SIN3A: variants seen among roughly 807,000 people sequenced by gnomAD.
SIN3A encodes the protein SIN3 transcription regulator family member A.
SIN3A carries 14 observed loss-of-function variants against 146.1 expected under a neutral mutation model. The ratio of observed to expected loss-of-function variants is 0.10; its 90% CI spans 0.06 to 0.15. SIN3A has a LOEUF of 0.15. Ranked by LOEUF, SIN3A falls within the 10% of genes least tolerant of loss-of-function variation. SIN3A has a pLI of 1.00. For missense variants in SIN3A, 1,028 were observed against 1,576.0 expected (o/e 0.65, Z 5.89); for synonymous variants, 572 against 572.0 (o/e 1.00, Z 0.00).
rs11342034 is a variant in SIN3A, at chr15:75,381,086, T to TA, written c.3289-364dup. On this transcript the variant is annotated intron_variant, in intron 18 of 20. Coordinates refer to ENST00000394947, the MANE Select transcript of SIN3A (RefSeq NM_001145358.2). ...TACAATCTAGATTTCTGACATCGCT[T>TA]AAAAAAAAAAAAAAAAAAAAAGATC... The TA allele has an allele frequency of 2.8e-3, 317 of 111,442 alleles. 1 individual carries two copies. The highest frequency in any genetic ancestry group is 8.6e-3 in the Middle Eastern group (2 of 232). The allele number at this position is 111,442 out of a possible 1,614,324, so 6.9% of individuals were successfully genotyped here.
intron 16 of SIN3A, among the ~76,000 whole-genome samples, 174 bp downstream of exon 16, chr15:75,389,478 G>T (rs952322318): frequency 6.6e-6 from 1 of 152,082 alleles, no homozygotes; most frequent in East Asian, 1.9e-4. Flanking sequence ...CTCATACACT[G>T]CAACTTTGTT....
At chr15:75,406,982 C>A in intron 9 of SIN3A, 73 bp downstream of exon 9, 1 of 1,102,728 alleles carries the variant, frequency 9.1e-7, no homozygotes, top group Non-Finnish European at 1.3e-6. Context: ...TAAAACGAAA[C>A]CTTCCAGGGG....
At chr15:75,427,481 G>A (rs531386985) in intron 2 of SIN3A, among the ~76,000 whole-genome samples, 49 of 151,832 alleles carry the variant, frequency 3.2e-4, no homozygotes, top group Non-Finnish European at 5.6e-4. Flanking sequence ...CCAGCACAGC[G>A]AAACCCCATC....
At chr15:75,391,129 G>A (rs761928591) in intron 15 of SIN3A, among the ~76,000 whole-genome samples, 1 of 152,184 alleles carries the variant, frequency 6.6e-6, no homozygotes, top group African/African-American at 2.4e-5. Context: ...TAGCTCCATA[G>A]AATAGGTATA....
intron 1 of SIN3A, among the ~76,000 whole-genome samples, chr15:75,445,951 C>T (rs78428611): frequency 6.6e-6 from 1 of 151,974 alleles, no homozygotes; most frequent in African/African-American, 2.4e-5. Flanking sequence ...CTCTACCATG[C>T]TCAGCATACT....
chr15:75,405,943 T>A (rs992804841), intron 9 of SIN3A, among the ~76,000 whole-genome samples: 2 of 152,042 alleles, frequency 1.3e-5, no homozygotes, highest in African/African-American at 2.4e-5. Context: ...CAAGCAGACT[T>A]TGGTAATGAT....
In SIN3A at chr15:75,410,374, T is replaced by G. The variant is rs2073609709; in HGVS notation, c.1009-88A>C. On this transcript the variant is annotated intron_variant, in intron 6 of 20. Transcript: ENST00000394947. Reference sequence around the variant, plus strand: ...CGCTTTCTGGAATCACTGTTATCTATTTAGGCTGCATGTAAGAAGAAAGTC... The same window carrying G: ...CGCTTTCTGGAATCACTGTTATCTAGTTAGGCTGCATGTAAGAAGAAAGTC... The G allele has an allele frequency of 5.4e-6, 7 of 1,298,156 alleles. No homozygotes were observed. In the Middle Eastern group the frequency reaches 5.7e-4, roughly 105 times the overall value. 80.4% of individuals were successfully genotyped at this position (1,298,156 alleles called of 1,614,324 possible).
intron 1 of SIN3A, 45 bp downstream of exon 1, chr15:75,451,378 C>T (rs1188128266): frequency 6.7e-6 from 1 of 148,914 alleles, no homozygotes; most frequent in East Asian, 2.0e-4. Context: ...CCGGCGTTAC[C>T]CGCCACCAGG....
chr15:75,418,868 C>A (rs2073791774), intron 3 of SIN3A, among the ~76,000 whole-genome samples: 1 of 152,156 alleles, frequency 6.6e-6, no homozygotes, highest in Admixed American at 6.6e-5. Context: ...CATTCTCCTG[C>A]CTCAGCCTCC....
chr15:75,377,114 T>C, intron 19 of SIN3A, among the ~76,000 whole-genome samples: 1 of 152,138 alleles, frequency 6.6e-6, no homozygotes, highest in East Asian at 1.9e-4. Context: ...CAAACTGTAT[T>C]TGCAATATCG....
chr15:75,396,751 GGATGAAGTT>G (rs1349291869), intron 12 of SIN3A, among the ~76,000 whole-genome samples: 2 of 152,142 alleles, frequency 1.3e-5, no homozygotes, highest in African/African-American at 4.8e-5. Flanking sequence ...AAGAACCACA[GGATGAAGTT>G]GGATAAATGG....
At chr15:75,408,942 G>A (rs2073572964) in intron 8 of SIN3A, among the ~76,000 whole-genome samples, 1 of 152,214 alleles carries the variant, frequency 6.6e-6, no homozygotes, top group African/African-American at 2.4e-5. Context: ...GGTGGCTCAC[G>A]CCTGTAATTC....
In SIN3A at chr15:75,400,946, G is replaced by T. The variant is rs772416776; in HGVS notation, c.1527-6C>A. On this transcript the variant is annotated splice_region_variant and splice_polypyrimidine_tract_variant and intron_variant, in intron 10 of 20. Coordinates refer to ENST00000394947, the MANE Select transcript of SIN3A (RefSeq NM_001145358.2). ...TAAACAACTCAGGGAATTTCCTGAA[G>T]AATCAAACCAAAAAGTGACAAGCAA... is the stretch of plus-strand genomic sequence containing the variant. 1.5e-5 allele frequency: 24 copies of T among 1,603,756 alleles called. No homozygotes were observed. The highest frequency in any genetic ancestry group is 1.9e-4 in the Middle Eastern group (1 of 5,174).
intron 9 of SIN3A, among the ~76,000 whole-genome samples, chr15:75,402,518 A>G (rs977899092): frequency 2.6e-5 from 4 of 152,252 alleles, no homozygotes; most frequent in African/African-American, 9.6e-5. Flanking sequence ...ACTCTGTCTC[A>G]TAAGTAAAAA....
intron 9 of SIN3A, among the ~76,000 whole-genome samples, chr15:75,402,662 T>G (rs1045685193): frequency 1.3e-5 from 2 of 152,202 alleles, no homozygotes; most frequent in Non-Finnish European, 2.9e-5. Context: ...TTAAACGCAG[T>G]CCAGCACTGT....
intron 1 of SIN3A, among the ~76,000 whole-genome samples, chr15:75,443,266 T>C (rs1002668998): frequency 1.3e-5 from 2 of 152,204 alleles, no homozygotes; most frequent in Admixed American, 6.5e-5. Context: ...AGGAGGAAGA[T>C]GAAAAACTAT....
chr15:75,410,066 G>A (rs1359583642), intron 7 of SIN3A, 68 bp downstream of exon 7: 2 of 1,602,904 alleles, frequency 1.2e-6, no homozygotes, highest in South Asian at 2.2e-5. Flanking sequence ...GTCCCCTTCT[G>A]AGCACAGTTT....
At chr15:75,413,578 C>G (rs1467008990) in intron 4 of SIN3A, among the ~76,000 whole-genome samples, 10 of 148,598 alleles carry the variant, frequency 6.7e-5, no homozygotes, top group Non-Finnish European at 1.0e-4. Context: ...GAGTCTCATT[C>G]TGTTGCCCAG....
At chr15:75,378,410 C>T (rs2072905248) in intron 19 of SIN3A, among the ~76,000 whole-genome samples, 1 of 152,042 alleles carries the variant, frequency 6.6e-6, no homozygotes, top group African/African-American at 2.4e-5. Flanking sequence ...ACTAAAAATA[C>T]AGAATCAGCC....
Sources: allele counts gnomAD v4.1 joint callset (sites outside exome capture counted in the v4.1 genomes callset), GRCh38; gene constraint gnomAD v4.1.1; transcripts MANE v1.5; gene names NCBI Gene and HGNC (gene_info 2026-07-23, HGNC 2026-07-21).